Variants in UBE3C observed in about 807,000 individuals in gnomAD.
UBE3C encodes ubiquitin-protein ligase E3C.
A neutral mutation model predicts 129.4 loss-of-function variants in UBE3C; 42 were observed. The ratio of observed to expected loss-of-function variants is 0.32; its 90% CI spans 0.25 to 0.42. UBE3C has a LOEUF of 0.42. UBE3C is among the 10% of genes least tolerant of loss of function. UBE3C has a pLI of 1.00. For synonymous variants in UBE3C, 510 were observed against 492.4 expected, an observed-to-expected ratio of 1.04 and a Z score of -0.47; for missense variants, 1,049 against 1,319.1, an observed-to-expected ratio of 0.80 and a Z score of 3.17.
intron 10 of UBE3C, among the ~76,000 whole-genome samples, chr7:157,193,253 A>G (rs763370521): frequency 1.1e-4 from 16 of 150,900 alleles, no homozygotes; most frequent in Non-Finnish European, 2.1e-4. Flanking sequence ...TGGCATTAGA[A>G]GTGTCCAGTA....
At chr7:157,204,100 A>G (rs1563054852) in intron 11 of UBE3C, among the ~76,000 whole-genome samples, 1 of 152,174 alleles carries the variant, frequency 6.6e-6, no homozygotes, top group Admixed American at 6.5e-5. Flanking sequence ...CTGAATGGGA[A>G]TCACCTTTGA....
chr7:157,213,228 T>C (rs1809647698), intron 13 of UBE3C, among the ~76,000 whole-genome samples: 1 of 152,234 alleles, frequency 6.6e-6, no homozygotes, highest in Non-Finnish European at 1.5e-5. Flanking sequence ...TCCACTAAAA[T>C]TTGTATATTC....
At chr7:157,192,408 C>A (rs1295396180) in intron 10 of UBE3C, 1 of 713,062 alleles carries the variant, frequency 1.4e-6, no homozygotes. Context: ...AAGACCATCA[C>A]CCTCAAGGTT....
At chr7:157,196,725 T>C (rs1809129895) in intron 10 of UBE3C, among the ~76,000 whole-genome samples, 1 of 148,042 alleles carries the variant, frequency 6.8e-6, no homozygotes, top group Admixed American at 6.8e-5. Context: ...TCCCAGCACT[T>C]TGGGAGTCTG....
In UBE3C at chr7:157,189,549, T is replaced by A. The variant is rs113395462; in HGVS notation, c.1331+2528T>A. Among the ~76,000 whole-genome samples the A allele has an allele frequency of 4.9e-3, 749 of 152,298 alleles. 4 individuals are homozygous for A. The highest frequency in any genetic ancestry group is 8.3e-3 in the African/African-American group (343 of 41,566). On this transcript the variant is annotated intron_variant, in intron 10 of 22. Transcript: ENST00000348165. ...TTTTAGTGGGTACTGTTTCAGAGTT[T>A]CATTGACTGCATTTGTGACCCTACT...
chr7:157,215,685 G>C (rs1193873900), intron 13 of UBE3C, among the ~76,000 whole-genome samples: 1 of 151,740 alleles, frequency 6.6e-6, no homozygotes, highest in Non-Finnish European at 1.5e-5. Flanking sequence ...TACAGGCCTG[G>C]CCGACTTTTT....
intron 10 of UBE3C, chr7:157,192,299 C>T (rs549008656): frequency 1.4e-4 from 61 of 443,044 alleles, no homozygotes; most frequent in African/African-American, 1.2e-3. Flanking sequence ...TTCTTTTAAG[C>T]TTGTTAAGAA....
chr7:157,191,241 G>C (rs1455962280), intron 10 of UBE3C, among the ~76,000 whole-genome samples: 1 of 152,156 alleles, frequency 6.6e-6, no homozygotes, highest in Non-Finnish European at 1.5e-5. Flanking sequence ...CTTCTTTTCT[G>C]TGCACGCGCG....
At chr7:157,141,090 G>T (rs1167673726) in intron 1 of UBE3C, among the ~76,000 whole-genome samples, 3 of 152,166 alleles carry the variant, frequency 2.0e-5, no homozygotes, top group Admixed American at 6.5e-5. Flanking sequence ...GCCCCTCCGG[G>T]ATGAGGGTGG....
rs1222001510 is a variant in UBE3C, at chr7:157,268,350, C to T, written c.*595C>T. ...CATTTCCCCAAATGGGACTAGCATG[C>T]TTGTTTTCAGTATACCGTGGCCTGC... On this transcript the variant is annotated 3_prime_UTR_variant, in exon 23 of 23. Coordinates refer to ENST00000348165, the MANE Select transcript of UBE3C (RefSeq NM_014671.3). The T allele has an allele frequency of 6.6e-6, 1 of 152,624 alleles. No individual in the cohort carries two copies. The highest frequency in any genetic ancestry group is 1.5e-5 in the Non-Finnish European group (1 of 68,054). The allele number at this position is 152,624 out of a possible 1,614,324, so 9.5% of individuals were successfully genotyped here. A position where few individuals can be genotyped will look rare whatever the true frequency, so the allele number is the denominator to read the frequency against.
intron 19 of UBE3C, among the ~76,000 whole-genome samples, chr7:157,249,061 A>G (rs1468996213): frequency 3.9e-5 from 6 of 152,196 alleles, no homozygotes; most frequent in Non-Finnish European, 7.3e-5. Flanking sequence ...AGAGATTCAA[A>G]CTGATTTTCT....
intron 1 of UBE3C, chr7:157,140,036 G>T (rs1417406907): frequency 1.2e-5 from 12 of 985,278 alleles, no homozygotes; most frequent in Non-Finnish European, 1.4e-5. Flanking sequence ...TTTAGGATAA[G>T]GGTAGGCAAA....
At chr7:157,251,735 C>T (rs1378795388) in intron 19 of UBE3C, among the ~76,000 whole-genome samples, 1 of 152,180 alleles carries the variant, frequency 6.6e-6, no homozygotes, top group Non-Finnish European at 1.5e-5. Context: ...ATATGTCCCT[C>T]AGATCTGAAA....
chr7:157,202,408 G>A (rs552865436), intron 11 of UBE3C, among the ~76,000 whole-genome samples: 2 of 152,328 alleles, frequency 1.3e-5, no homozygotes, highest in East Asian at 1.9e-4. Flanking sequence ...TGTAATTCCA[G>A]CACTTTGGGA....
At chr7:157,169,954 G>A (rs1808320734) in intron 3 of UBE3C, among the ~76,000 whole-genome samples, 1 of 152,090 alleles carries the variant, frequency 6.6e-6, no homozygotes, top group Non-Finnish European at 1.5e-5. Flanking sequence ...AAAGTGCTGG[G>A]ATTACAGGTG....
chr7:157,243,959 C>T (rs377122510), intron 18 of UBE3C, among the ~76,000 whole-genome samples: 2 of 152,056 alleles, frequency 1.3e-5, no homozygotes, highest in Admixed American at 6.6e-5. Flanking sequence ...TTGCCAGGCG[C>T]GGTGGCTCAC....
At chr7:157,214,087 TTCC>T (rs1250570484) in intron 13 of UBE3C, among the ~76,000 whole-genome samples, 1 of 152,148 alleles carries the variant, frequency 6.6e-6, no homozygotes, top group South Asian at 2.1e-4. Context: ...ACCTTCTCCT[TTCC>T]TCCTCCTTTC....
chr7:157,248,803 G>A (rs1472303000), intron 19 of UBE3C, among the ~76,000 whole-genome samples: 1 of 152,116 alleles, frequency 6.6e-6, no homozygotes, highest in African/African-American at 2.4e-5. Flanking sequence ...GTTCCTGCCC[G>A]GCAGCCCCTC....
At position 157,254,159 on chromosome 7, in the gene UBE3C, C is replaced by T; in HGVS notation, c.2883+17C>T. On this transcript the variant is annotated intron_variant, in intron 20 of 22. Coordinates refer to ENST00000348165, the MANE Select transcript of UBE3C (RefSeq NM_014671.3). ...GAAATTCAGGTACCCTACCTGCTGACTTTCTGGGACACGCTTGTCACAGGA... is the reference window on the plus strand; with the variant it reads ...GAAATTCAGGTACCCTACCTGCTGATTTTCTGGGACACGCTTGTCACAGGA... The T allele has an allele frequency of 6.2e-7, 1 of 1,610,426 alleles. No individual in the cohort carries two copies. The highest frequency in any genetic ancestry group is 8.5e-7 in the Non-Finnish European group (1 of 1,177,956).
Sources: gnomAD v4.1 joint callset for allele counts (sites outside exome capture counted in the v4.1 genomes callset) on GRCh38, gnomAD v4.1.1 for gene constraint, MANE v1.5 for transcripts, NCBI Gene and HGNC (gene_info 2026-07-23, HGNC 2026-07-21) for gene names.